The following ROS1 variants were observed in gnomAD, a reference collection of about 807,000 sequenced individuals.
ROS1 encodes the protein proto-oncogene tyrosine-protein kinase ROS.
Under a neutral mutation model 273.5 loss-of-function variants are expected in ROS1, and 263 were observed. That is an observed-to-expected ratio of 0.96 (90% CI 0.87 to 1.06). The LOEUF is 1.06. ROS1 is among the 50% of genes least tolerant of loss of function. The pLI, the probability that ROS1 is intolerant of heterozygous loss-of-function variation, is 0.00. For missense variants in ROS1, 2,833 were observed against 2,751.1 expected, an observed-to-expected ratio of 1.03 and a Z score of -0.67; for synonymous variants, 1,008 against 954.1, an observed-to-expected ratio of 1.06 and a Z score of -1.04.
chr6:117,341,470 CTT>C lies in ROS1; in HGVS notation c.4812_4813del (p.Ser1605Ter). 1 of 1,613,868 alleles carries C rather than the reference CTT, an allele frequency of 6.2e-7. No homozygotes were observed. The highest frequency in any genetic ancestry group is 8.5e-7 in the Non-Finnish European group (1 of 1,179,810). On this transcript the variant is annotated frameshift_variant, in exon 30 of 44. Coordinates refer to ENST00000368507, the MANE Select transcript of ROS1 (RefSeq NM_001378902.1). LOFTEE classifies it high-confidence loss of function. Reference sequence around the variant, plus strand: ...AGTGAGCCTTCCATTTGGAAATTCACTTTGTCTTAGAGGAGTTTCAGGAATTA... The same window carrying C: ...AGTGAGCCTTCCATTTGGAAATTCACTGTCTTAGAGGAGTTTCAGGAATTA...
chr6:117,412,137 G>A (rs901361500), intron 4 of ROS1, among the ~76,000 whole-genome samples: 8 of 152,156 alleles, frequency 5.3e-5, no homozygotes, highest in African/African-American at 1.9e-4. Flanking sequence ...ACCAAGGGGA[G>A]AGTATGAGAT....
intron 15 of ROS1, among the ~76,000 whole-genome samples, 199 bp from the exon 16 acceptor site, chr6:117,386,060 C>A (rs777110380): frequency 1.3e-5 from 2 of 152,216 alleles, no homozygotes; most frequent in African/African-American, 2.4e-5. Context: ...ACAGTGGATA[C>A]ACATCGAGCA....
rs2128549855 is a variant in ROS1, at chr6:117,311,064, A to T, written c.6171T>A (p.Ile2057=). 1 of 1,610,960 alleles carries T rather than the reference A, an allele frequency of 6.2e-7. No homozygotes were observed. The change falls in exon 40 of 44, where the codon ATT becomes ATA. Residue 2057 remains isoleucine (I), a synonymous_variant. Coordinates refer to ENST00000368507, the MANE Select transcript of ROS1 (RefSeq NM_001378902.1). The part of the protein sequence containing the change: ...LVDLVDLCVD[I]SKGCVYLERM... ...GTTCCAAGTAGACACAGCCTTTTGAAATATCTACACACAGGTCTACAAGGT... is the reference window on the plus strand; with the variant it reads ...GTTCCAAGTAGACACAGCCTTTTGATATATCTACACACAGGTCTACAAGGT...
In ROS1 at chr6:117,342,689, C is replaced by A. The variant is rs1403752498; in HGVS notation, c.4507-145G>T. On this transcript the variant is annotated intron_variant, in intron 28 of 43. Coordinates refer to ENST00000368507, the MANE Select transcript of ROS1 (RefSeq NM_001378902.1). ...TTCTGGATTATTAATGGTAATACCA[C>A]TGTCCAATCTACCCAGACCTGAGTT... 7.1e-6 allele frequency: 4 copies of A among 565,076 alleles called. No individual in the cohort carries two copies. In the African/African-American group the frequency reaches 7.8e-5, roughly 11 times the overall value. 35.0% of individuals were successfully genotyped at this position (565,076 alleles called of 1,614,324 possible). A position where few individuals can be genotyped will look rare whatever the true frequency, so the allele number is the denominator to read the frequency against.
chr6:117,392,151 G>A (rs1235885835), intron 12 of ROS1, among the ~76,000 whole-genome samples: 4 of 152,144 alleles, frequency 2.6e-5, no homozygotes, highest in Admixed American at 2.6e-4. Flanking sequence ...CATGAAAACA[G>A]TAAGATCCAG....
At chr6:117,420,689 A>T (rs1261010908) in intron 1 of ROS1, among the ~76,000 whole-genome samples, 1 of 151,836 alleles carries the variant, frequency 6.6e-6, no homozygotes, top group African/African-American at 2.4e-5. Context: ...GATATTCTCA[A>T]AGTTACCTGT....
Position 117,357,851 on chromosome 6 carries a change from G to A in ROS1, c.3792C>T (p.His1264=), listed in dbSNP as rs1779456626. 1 of 1,613,180 alleles carries A rather than the reference G, an allele frequency of 6.2e-7. No individual in the cohort carries two copies. Among genetic ancestry groups the A allele is most frequent in the Non-Finnish European group, 8.5e-7 (1 of 1,179,462 alleles). ...AAGAAATTATTGTTGAATTCCTATT[G>A]TGAATCTTCACCTCTCTGGGATATT... ...KVKYPREVKI[H]NRNSTIISFS... The change falls in exon 25 of 44, where the codon CAC becomes CAT. Residue 1264 remains histidine (H), a synonymous_variant. Coordinates refer to ENST00000368507, the MANE Select transcript of ROS1 (RefSeq NM_001378902.1).
intron 7 of ROS1, among the ~76,000 whole-genome samples, chr6:117,402,648 G>A (rs1774037505): frequency 6.6e-6 from 1 of 152,196 alleles, no homozygotes; most frequent in Admixed American, 6.5e-5. Flanking sequence ...AGCACTTTGG[G>A]AGGCCAAGGC....
intron 1 of ROS1, among the ~76,000 whole-genome samples, chr6:117,423,708 T>C (rs1202555898): frequency 1.3e-5 from 2 of 152,156 alleles, no homozygotes; most frequent in African/African-American, 4.8e-5. Flanking sequence ...GTGACTTTTT[T>C]TTTTTAAGAA....
chr6:117,373,336 A>AG (rs1781018008), intron 18 of ROS1, among the ~76,000 whole-genome samples: 1 of 152,212 alleles, frequency 6.6e-6, no homozygotes, highest in Admixed American at 6.5e-5. Flanking sequence ...GCCACGGAGC[A>AG]GGGGGCGGCA....
chr6:117,372,569 G>T (rs1780898017), intron 18 of ROS1, among the ~76,000 whole-genome samples: 1 of 152,142 alleles, frequency 6.6e-6, no homozygotes, highest in Admixed American at 6.5e-5. Context: ...GATGTGTTTG[G>T]AGTTTCTTCC....
Position 117,396,957 on chromosome 6 carries a change from G to A in ROS1, c.764C>T (p.Thr255Ile), listed in dbSNP as rs754066414. The change falls in exon 8 of 44, where the codon ACC becomes ATC. Residue 255 changes from threonine to isoleucine, a missense_variant. Physicochemically the swap from Thr to Ile is moderately conservative, Grantham distance 89. Transcript: ENST00000368507. ...NQKLDAGTQR[T>I]SFQFYSTLPN... ...TAAAGTGGAGTAAAACTGGAAACTG[G>A]TTCTCTGTGTCCCTGCATCTAATTT... 24 of 1,613,924 alleles carry A rather than the reference G, an allele frequency of 1.5e-5. No homozygotes were observed. In the Admixed American group the frequency reaches 3.8e-4, roughly 26 times the overall value.
intron 43 of ROS1, among the ~76,000 whole-genome samples, chr6:117,293,314 G>A (rs1278899178): frequency 2.6e-5 from 4 of 152,020 alleles, no homozygotes; most frequent in Non-Finnish European, 5.9e-5. Flanking sequence ...AAGCTTATTT[G>A]TAAGAAAAAA....
intron 18 of ROS1, among the ~76,000 whole-genome samples, chr6:117,369,381 GGCTAACATGGTGAAACACC>G (rs1271272417): frequency 3.9e-5 from 6 of 152,164 alleles, no homozygotes; most frequent in Non-Finnish European, 5.9e-5. Context: ...AGCTCTCCCT[GGCTAACATGGTGAAACACC>G]GTCTCTACTA....
intron 7 of ROS1, among the ~76,000 whole-genome samples, chr6:117,398,675 T>G: frequency 8.2e-6 from 1 of 122,646 alleles, no homozygotes; most frequent in Middle Eastern, 4.4e-3. Context: ...TGAGACCTTG[T>G]CTCAAAAAAA....
At chr6:117,297,044 T>C (rs1582538888) in intron 43 of ROS1, among the ~76,000 whole-genome samples, 1 of 152,228 alleles carries the variant, frequency 6.6e-6, no homozygotes, top group East Asian at 1.9e-4. Flanking sequence ...TGGAACAGAA[T>C]CCAGAATCCA....
chr6:117,341,560 G>A lies in ROS1; in HGVS notation c.4724C>T (p.Ser1575Phe), dbSNP rs1474721113. The A allele has an allele frequency of 5.0e-6, 8 of 1,613,774 alleles. No homozygotes were observed. Among genetic ancestry groups the A allele is most frequent in the Non-Finnish European group, 6.8e-6 (8 of 1,179,778 alleles). ...TTCTTTAGGTCCATTTGGCTTGTGAGATTCTCTCCAAGATATAATGAGGCT... is the reference window on the plus strand; with the variant it reads ...TTCTTTAGGTCCATTTGGCTTGTGAAATTCTCTCCAAGATATAATGAGGCT... ...DTSLIISWRE[S>F]HKPNGPKESV... The change falls in exon 30 of 44, where the codon TCT (serine) becomes TTT (phenylalanine). Residue 1575 changes from serine (S) to phenylalanine (F), a missense_variant. Coordinates refer to ENST00000368507, the MANE Select transcript of ROS1 (RefSeq NM_001378902.1).
intron 39 of ROS1, among the ~76,000 whole-genome samples, chr6:117,315,192 G>A (rs1775831616): frequency 6.6e-6 from 1 of 152,092 alleles, no homozygotes; most frequent in Non-Finnish European, 1.5e-5. Context: ...TGGGGACAAA[G>A]TTGAGGAAGT....
At chr6:117,350,465 A>C (rs1778738990) in intron 27 of ROS1, among the ~76,000 whole-genome samples, 1 of 151,590 alleles carries the variant, frequency 6.6e-6, no homozygotes, top group Admixed American at 6.6e-5. Context: ...CCTAGTGTAG[A>C]TTTTGGCATT....
Sources: allele counts gnomAD v4.1 joint callset (sites outside exome capture counted in the v4.1 genomes callset), GRCh38; gene constraint gnomAD v4.1.1; transcripts MANE v1.5; gene names NCBI Gene and HGNC (gene_info 2026-07-23, HGNC 2026-07-21).